The following NDUFAF3 variants were observed in gnomAD, a reference collection of about 807,000 sequenced individuals.
NDUFAF3 encodes the protein NADH:ubiquinone oxidoreductase complex assembly factor 3.
A neutral mutation model predicts 22.6 loss-of-function variants in NDUFAF3; 21 were observed. The observed-to-expected ratio is 0.93, with a 90% CI of 0.66 to 1.34. NDUFAF3 has a LOEUF of 1.34. Ranked by LOEUF, NDUFAF3 falls within the 40% of genes most tolerant of loss-of-function variation. The pLI is 0.00. For missense variants in NDUFAF3, 251 were observed against 248.4 expected, an observed-to-expected ratio of 1.01 and a Z score of -0.07; for synonymous variants, 113 against 104.9, an observed-to-expected ratio of 1.08 and a Z score of -0.47.
rs762398743 is a variant in NDUFAF3 at position 49,022,222 on chromosome 3, G to A, written c.77+1G>A. 5 of 1,610,870 alleles carry A rather than the reference G, an allele frequency of 3.1e-6. No homozygotes were observed. Among genetic ancestry groups the A allele is most frequent in the Non-Finnish European group, 4.2e-6 (5 of 1,179,654 alleles). On this transcript the variant is annotated splice_donor_variant, in intron 1 of 4. Transcript: ENST00000326925. LOFTEE classifies it high-confidence loss of function. This position sits in a 1 kb window ranked among gnomAD's most constrained non-coding sequence, Gnocchi z 6.6. ...GCTGTCCGCCCGTTGAGCTTCCCTG[G>A]TGAGCTTGGACCCCGCGCCCTCGAC...
In NDUFAF3 at chr3:49,022,136, T is replaced by C; in HGVS notation, c.-9T>C. The C allele has an allele frequency of 6.2e-7, 1 of 1,606,830 alleles. No homozygotes were observed. On this transcript the variant is annotated 5_prime_UTR_variant, in exon 1 of 5. Coordinates refer to ENST00000326925, the MANE Select transcript of NDUFAF3 (RefSeq NM_199069.2). The surrounding 1 kb of genome is among the most constrained non-coding windows in gnomAD (Gnocchi z 6.6). ...CGCCGGTGACGACTTCGCCGCGCGT[T>C]GGTCAGCCATGGCCACCGCTCTCGC... is the stretch of plus-strand genomic sequence containing the variant.
Position 49,022,640 on chromosome 3 carries a change from G to A in NDUFAF3, c.271-62G>A. ...GCTTTCCTCTGTCTCCTCCTGCAGTGGATGGAGATGGGGAGAGGCTGCGTG... is the reference window on the plus strand; with the variant it reads ...GCTTTCCTCTGTCTCCTCCTGCAGTAGATGGAGATGGGGAGAGGCTGCGTG... On this transcript the variant is annotated intron_variant, in intron 2 of 4. Transcript: ENST00000326925. This position sits in a 1 kb window ranked among gnomAD's most constrained non-coding sequence, Gnocchi z 6.6. The A allele has an allele frequency of 1.2e-6, 2 of 1,611,974 alleles. No homozygotes were observed. The highest frequency in any genetic ancestry group is 8.5e-7 in the Non-Finnish European group (1 of 1,178,168).
upstream of NDUFAF3, chr3:49,020,714 C>CG (rs753412495): frequency 1.5e-5 from 7 of 480,228 alleles, no homozygotes; most frequent in Admixed American, 2.3e-5. Context: ...CAGCCGTTGG[C>CG]GGGGGGCGGG....
Position 49,022,291 on chromosome 3 carries a change from C to T in NDUFAF3, c.78-55C>T. On this transcript the variant is annotated intron_variant, in intron 1 of 4. Coordinates refer to ENST00000326925, the MANE Select transcript of NDUFAF3 (RefSeq NM_199069.2). This position sits in a 1 kb window ranked among gnomAD's most constrained non-coding sequence, Gnocchi z 6.6. ...CGGCGACTGCCAGCCCAGCACCTTC[C>T]GGCCTCTCGGGCTGCCCGGCCCGGC... The T allele has an allele frequency of 6.2e-7, 1 of 1,606,980 alleles. No homozygotes were observed. The highest frequency in any genetic ancestry group is 2.2e-5 in the East Asian group (1 of 44,792).
chr3:49,021,786 TG>T (rs2093159929), upstream of NDUFAF3: 3 of 342,600 alleles, frequency 8.8e-6, no homozygotes, highest in African/African-American at 6.7e-5. The surrounding 1 kb of genome is among the most constrained non-coding windows in gnomAD (Gnocchi z 4.1). Flanking sequence ...CGCGACCAGG[TG>T]GGCGGTCGCC....
upstream of NDUFAF3, chr3:49,021,971 T>G: frequency 1.1e-5 from 7 of 657,878 alleles, no homozygotes; most frequent in Non-Finnish European, 1.8e-5. This position sits in a 1 kb window ranked among gnomAD's most constrained non-coding sequence, Gnocchi z 4.1. Flanking sequence ...GCGCCGGAGG[T>G]CGGGGAACTC....
At position 49,023,437 on chromosome 3, in the gene NDUFAF3, T is replaced by C; in HGVS notation, c.*265T>C. 1 of 515,364 alleles carries C rather than the reference T, an allele frequency of 1.9e-6. No individual in the cohort carries two copies. The highest frequency in any genetic ancestry group is 3.5e-6 in the Non-Finnish European group (1 of 282,864). The allele number at this position is 515,364 out of a possible 1,614,324, so 31.9% of individuals were successfully genotyped here. ...GTCGGGAAGCAGTATGTTTGCCTGT[T>C]GTAGACCTACTTGCTCACATGCAGA... On this transcript the variant is annotated 3_prime_UTR_variant, in exon 5 of 5. Coordinates refer to ENST00000326925, the MANE Select transcript of NDUFAF3 (RefSeq NM_199069.2).
rs773367225 is a variant in NDUFAF3, at chr3:49,022,233, C to T, written c.77+12C>T. On this transcript the variant is annotated intron_variant, in intron 1 of 4. Coordinates refer to ENST00000326925, the MANE Select transcript of NDUFAF3 (RefSeq NM_199069.2). This position sits in a 1 kb window ranked among gnomAD's most constrained non-coding sequence, Gnocchi z 6.6. ...GTTGAGCTTCCCTGGTGAGCTTGGA[C>T]CCCGCGCCCTCGACCATCCAGCCCC... The T allele has an allele frequency of 1.2e-6, 2 of 1,610,568 alleles. No homozygotes were observed. The highest frequency in any genetic ancestry group is 3.3e-5 in the Admixed American group (2 of 59,990).
Position 49,022,623 on chromosome 3 carries a change from C to T in NDUFAF3, c.271-79C>T, listed in dbSNP as rs1302550176. ...TGGTCCCTGCAAACTTGGCTTTCCT[C>T]TGTCTCCTCCTGCAGTGGATGGAGA... On this transcript the variant is annotated intron_variant, in intron 2 of 4. Coordinates refer to ENST00000326925, the MANE Select transcript of NDUFAF3 (RefSeq NM_199069.2). This position sits in a 1 kb window ranked among gnomAD's most constrained non-coding sequence, Gnocchi z 6.6. 1.2e-6 allele frequency: 2 copies of T among 1,613,220 alleles called. No homozygotes were observed. The highest frequency in any genetic ancestry group is 2.2e-5 in the East Asian group (1 of 44,896).
At chr3:49,020,535 A>C (rs529054607), upstream of NDUFAF3, 2 of 442,602 alleles carry the variant, frequency 4.5e-6, no homozygotes, top group South Asian at 3.2e-5. Context: ...CTGAGGGCGC[A>C]ACTGAGAGGA....
Position 49,022,756 on chromosome 3 carries a change from G to T in NDUFAF3, c.325G>T (p.Glu109Ter). The change falls in exon 3 of 5, where the codon GAG becomes TAG. Residue 109 changes from glutamate to a stop codon, truncating the protein, a stop_gained. Transcript: ENST00000326925. LOFTEE classifies it high-confidence loss of function. The surrounding 1 kb of genome is among the most constrained non-coding windows in gnomAD (Gnocchi z 6.6). ...EDSFSLFWLL[E>*]PRIEIVVVGT... ...CAGCTTTTCCCTCTTCTGGTTGCTGGAGCCCCGGATAGGTACTGGGGAAGG... is the reference window on the plus strand; with the variant it reads ...CAGCTTTTCCCTCTTCTGGTTGCTGTAGCCCCGGATAGGTACTGGGGAAGG... 6.2e-7 allele frequency: 1 copy of T among 1,614,032 alleles called. No individual in the cohort carries two copies.
Position 49,023,264 on chromosome 3 carries a change from CATA to C in NDUFAF3, c.*98_*100del, listed in dbSNP as rs1575306115. On this transcript the variant is annotated 3_prime_UTR_variant, in exon 5 of 5. Transcript: ENST00000326925. The stretch of plus-strand genomic sequence containing the variant: ...CTTTGGCACTTATCTTGCTTATCAA[CATA>C]ATAATTTATACACTTCTCCCATTTT... The C allele has an allele frequency of 7.0e-6, 7 of 1,006,994 alleles. No homozygotes were observed. Among genetic ancestry groups the C allele is most frequent in the East Asian group, 4.7e-5 (2 of 42,150 alleles). 62.4% of individuals were successfully genotyped at this position (1,006,994 alleles called of 1,614,324 possible).
At chr3:49,022,038 T>G, upstream of NDUFAF3, 1 of 1,244,626 alleles carries the variant, frequency 8.0e-7, no homozygotes, top group African/African-American at 1.5e-5. The surrounding 1 kb of genome is among the most constrained non-coding windows in gnomAD (Gnocchi z 6.6). Flanking sequence ...TGCGGTGCCC[T>G]CCGGGACGCA....
At chr3:49,021,783 A>T, upstream of NDUFAF3, 1 of 337,090 alleles carries the variant, frequency 3.0e-6, no homozygotes, top group Non-Finnish European at 5.5e-6. The surrounding 1 kb of genome is among the most constrained non-coding windows in gnomAD (Gnocchi z 4.1). Context: ...GGACGCGACC[A>T]GGTGGGCGGT....
upstream of NDUFAF3, chr3:49,021,801 C>A: frequency 2.7e-6 from 1 of 371,344 alleles, no homozygotes; most frequent in Non-Finnish European, 4.9e-6. This position sits in a 1 kb window ranked among gnomAD's most constrained non-coding sequence, Gnocchi z 4.1. Flanking sequence ...GGTCGCCCCG[C>A]CCCGGGAGCG....
rs765388386 is a variant in NDUFAF3 at position 49,022,152 on chromosome 3, C to T, written c.8C>T (p.Thr3Ile). 1.9e-6 allele frequency: 3 copies of T among 1,609,120 alleles called. No individual in the cohort carries two copies. The highest frequency in any genetic ancestry group is 1.1e-5 in the South Asian group (1 of 90,996). Residue 3 changes from threonine to isoleucine, a missense_variant, in exon 1 of 5, where the codon ACC (threonine) becomes ATC (isoleucine). By Grantham distance (89) the Thr-to-Ile change is moderately conservative. Transcript: ENST00000326925. The surrounding 1 kb of genome is among the most constrained non-coding windows in gnomAD (Gnocchi z 6.6). Reference protein sequence around the residue: MATALALRSLYRA... With the variant: MAIALALRSLYRA... ...GCCGCGCGTTGGTCAGCCATGGCCA[C>T]CGCTCTCGCGCTACGTAGCTTGTAC... is the stretch of plus-strand genomic sequence containing the variant.
chr3:49,021,728 A>C, upstream of NDUFAF3: 2 of 216,476 alleles, frequency 9.2e-6, no homozygotes, highest in Non-Finnish European at 9.4e-6. The surrounding 1 kb of genome is among the most constrained non-coding windows in gnomAD (Gnocchi z 4.1). Context: ...AAAGGCTGGA[A>C]TTAGGGGCTA....
chr3:49,022,167 G>C lies in NDUFAF3; in HGVS notation c.23G>C (p.Arg8Pro). The C allele has an allele frequency of 6.2e-7, 1 of 1,610,152 alleles. No homozygotes were observed. The highest frequency in any genetic ancestry group is 8.5e-7 in the Non-Finnish European group (1 of 1,179,618). Residue 8 changes from arginine to proline, a missense_variant, in exon 1 of 5, where the codon CGT becomes CCT. By Grantham distance (103) the Arg-to-Pro change is moderately radical. Coordinates refer to ENST00000326925, the MANE Select transcript of NDUFAF3 (RefSeq NM_199069.2). The surrounding 1 kb of genome is among the most constrained non-coding windows in gnomAD (Gnocchi z 6.6). MATALAL[R>P]SLYRARPSLR... Reference sequence around the variant, plus strand: ...GCCATGGCCACCGCTCTCGCGCTACGTAGCTTGTACCGAGCGCGACCCTCG... The same window carrying C: ...GCCATGGCCACCGCTCTCGCGCTACCTAGCTTGTACCGAGCGCGACCCTCG...
Position 49,022,580 on chromosome 3 carries a change from A to G in NDUFAF3, c.270+42A>G, listed in dbSNP as rs1359444113. The G allele has an allele frequency of 1.9e-6, 3 of 1,613,350 alleles. No homozygotes were observed. Among genetic ancestry groups the G allele is most frequent in the Non-Finnish European group, 2.5e-6 (3 of 1,179,764 alleles). ...AGTGTGGAAACTGAGGCCCAGAGTC[A>G]CAGGCCCTCACCCTGCTTGGTCCCT... is the stretch of plus-strand genomic sequence containing the variant. On this transcript the variant is annotated intron_variant, in intron 2 of 4. Coordinates refer to ENST00000326925, the MANE Select transcript of NDUFAF3 (RefSeq NM_199069.2). The surrounding 1 kb of genome is among the most constrained non-coding windows in gnomAD (Gnocchi z 6.6).
Sources: allele counts gnomAD v4.1 joint callset, GRCh38; gene constraint gnomAD v4.1.1; non-coding constraint Gnocchi (gnomAD v3.1); transcripts MANE v1.5; gene names NCBI Gene and HGNC (gene_info 2026-07-23, HGNC 2026-07-21).